Variants in DRG1 observed in about 807,000 individuals in gnomAD.
DRG1 encodes the protein developmentally-regulated GTP-binding protein 1.
In DRG1, 19 loss-of-function variants were observed where a neutral mutation model predicts 38.8. The ratio of observed to expected loss-of-function variants is 0.49; its 90% CI spans 0.34 to 0.72. DRG1 has a LOEUF of 0.72. Ranked by LOEUF, DRG1 falls within the 30% of genes least tolerant of loss-of-function variation. DRG1 has a pLI of 0.01. For missense variants in DRG1, 299 were observed against 444.8 expected (o/e 0.67, Z 2.95); for synonymous variants, 167 against 157.5 (o/e 1.06, Z -0.45).
At chr22:31,420,569 C>A in intron 5 of DRG1, 144 bp downstream of exon 5, 1 of 1,034,928 alleles carries the variant, frequency 9.7e-7, no homozygotes, top group Non-Finnish European at 1.4e-6. Flanking sequence ...TAATGACTGA[C>A]AAGAAAAACT....
chr22:31,430,355 T>C (rs889764196), intron 8 of DRG1, among the ~76,000 whole-genome samples: 1 of 152,192 alleles, frequency 6.6e-6, no homozygotes, highest in Non-Finnish European at 1.5e-5. Context: ...CATGAGTTTA[T>C]ACTGTTATCT....
At chr22:31,426,458 A>C (rs996203110) in intron 6 of DRG1, 157 bp from the exon 7 acceptor site, 3 of 620,104 alleles carry the variant, frequency 4.8e-6, no homozygotes, top group Non-Finnish European at 8.1e-6. Context: ...CCCATAGTTC[A>C]CTTTTTCTTT....
At chr22:31,409,208 C>G (rs2050005674) in intron 3 of DRG1, among the ~76,000 whole-genome samples, 1 of 152,280 alleles carries the variant, frequency 6.6e-6, no homozygotes, top group African/African-American at 2.4e-5. Flanking sequence ...CCTCAGCCTC[C>G]AGAGTAGCTG....
chr22:31,430,421 A>G (rs2050132514), intron 8 of DRG1, among the ~76,000 whole-genome samples: 1 of 145,450 alleles, frequency 6.9e-6, no homozygotes, highest in Non-Finnish European at 1.5e-5. Flanking sequence ...TTTTTTTGAG[A>G]TGGAGTCTCG....
chr22:31,405,060 G>A (rs1332930617), intron 3 of DRG1, among the ~76,000 whole-genome samples: 1 of 151,910 alleles, frequency 6.6e-6, no homozygotes, highest in Non-Finnish European at 1.5e-5. Flanking sequence ...ATTGAATGTT[G>A]AATTATTAGT....
At position 31,434,032 on chromosome 22, in the gene DRG1, C is replaced by A. The variant is rs2050158158; in HGVS notation, c.*61C>A. ...AACAGCGTTCCCCATGATCAAGCAC[C>A]CTACCCCAGTTCTTTCTGGTTTTGG... On this transcript the variant is annotated 3_prime_UTR_variant, in exon 9 of 9. Coordinates refer to ENST00000331457, the MANE Select transcript of DRG1 (RefSeq NM_004147.4). 2.0e-6 allele frequency: 3 copies of A among 1,500,318 alleles called. No individual in the cohort carries two copies. The highest frequency in any genetic ancestry group is 1.2e-5 in the South Asian group (1 of 85,898). 92.9% of individuals were successfully genotyped at this position (1,500,318 alleles called of 1,614,324 possible).
intron 8 of DRG1, among the ~76,000 whole-genome samples, chr22:31,428,696 G>A (rs1023104485): frequency 9.2e-5 from 14 of 152,248 alleles, no homozygotes; most frequent in African/African-American, 3.4e-4. Flanking sequence ...GCATTTAGTT[G>A]TTGCTTGTTT....
chr22:31,433,842 CACTG>C lies in DRG1; in HGVS notation c.1005-25_1005-22del, dbSNP rs769458464. 8.4e-5 allele frequency: 134 copies of C among 1,602,366 alleles called. 1 individual carries two copies. The highest frequency in any genetic ancestry group is 4.3e-4 in the Admixed American group (26 of 59,926). On this transcript the variant is annotated intron_variant, in intron 8 of 8. Transcript: ENST00000331457. ...AGGGCAGAAGCTAGGTTATTATTTACACTGACTGTTCTTTTTCCCTTCCATGCAG... is the reference window on the plus strand; with the variant it reads ...AGGGCAGAAGCTAGGTTATTATTTACACTGTTCTTTTTCCCTTCCATGCAG...
chr22:31,433,699 G>A (rs998906967), intron 8 of DRG1, among the ~76,000 whole-genome samples, 173 bp from the exon 9 acceptor site: 7 of 152,220 alleles, frequency 4.6e-5, no homozygotes, highest in East Asian at 1.9e-4. Flanking sequence ...AGTCTTTACC[G>A]GCTTTTATGT....
intron 3 of DRG1, among the ~76,000 whole-genome samples, chr22:31,406,574 T>C (rs1035454790): frequency 2.6e-5 from 4 of 151,608 alleles, no homozygotes; most frequent in African/African-American, 9.7e-5. Flanking sequence ...CCTAGGGAGG[T>C]TGAGGCAGGA....
At chr22:31,405,908 G>A (rs1278844987) in intron 3 of DRG1, among the ~76,000 whole-genome samples, 2 of 151,536 alleles carry the variant, frequency 1.3e-5, no homozygotes, top group Non-Finnish European at 2.9e-5. Flanking sequence ...GGCTAGTCTC[G>A]AACTCCTGAC....
intron 3 of DRG1, among the ~76,000 whole-genome samples, chr22:31,409,153 C>T (rs1410771162): frequency 6.6e-5 from 10 of 152,040 alleles, no homozygotes; most frequent in African/African-American, 1.7e-4. Context: ...GGCATAATCT[C>T]GGCTCACTGC....
intron 5 of DRG1, 146 bp from the exon 6 acceptor site, chr22:31,423,134 C>T (rs2050085970): frequency 1.0e-6 from 1 of 985,080 alleles, no homozygotes; most frequent in Non-Finnish European, 1.5e-6. Flanking sequence ...TTATTTCCTA[C>T]TAAAAGTCAG....
At chr22:31,423,523 CTTTTTTTTTT>C (rs1229925627) in intron 6 of DRG1, 113 bp downstream of exon 6, 4 of 478,104 alleles carry the variant, frequency 8.4e-6, no homozygotes, top group South Asian at 2.5e-5. Flanking sequence ...GTCCTACTGT[CTTTTTTTTTT>C]TTTTTTTTTT....
At chr22:31,416,360 G>C (rs2050044460) in intron 4 of DRG1, among the ~76,000 whole-genome samples, 1 of 152,128 alleles carries the variant, frequency 6.6e-6, no homozygotes, top group Admixed American at 6.6e-5. Context: ...TTTGGGATGA[G>C]ACCCAAAGTC....
At chr22:31,414,796 T>TTA (rs1555898555) in intron 4 of DRG1, among the ~76,000 whole-genome samples, 11 of 151,104 alleles carry the variant, frequency 7.3e-5, no homozygotes, top group African/African-American at 2.4e-4. Context: ...TTTTTTTTTT[T>TTA]AGAGATAGGA....
chr22:31,407,915 G>A (rs557883067), intron 3 of DRG1, among the ~76,000 whole-genome samples: 1 of 150,708 alleles, frequency 6.6e-6, no homozygotes, highest in Non-Finnish European at 1.5e-5. Context: ...GAGGTCAGGA[G>A]ATCGAGACCA....
chr22:31,408,860 C>T (rs951249385), intron 3 of DRG1, among the ~76,000 whole-genome samples: 1 of 151,354 alleles, frequency 6.6e-6, no homozygotes, highest in African/African-American at 2.4e-5. Context: ...ACAGTAGACC[C>T]TTGGTATTTT....
chr22:31,431,101 C>T (rs1230508375), intron 8 of DRG1, among the ~76,000 whole-genome samples: 2 of 131,404 alleles, frequency 1.5e-5, no homozygotes, highest in African/African-American at 2.8e-5. Context: ...GTGGTGCGAT[C>T]TCGGCTCACT....
Sources: gnomAD v4.1 joint callset for allele counts (sites outside exome capture counted in the v4.1 genomes callset) on GRCh38, gnomAD v4.1.1 for gene constraint, MANE v1.5 for transcripts, NCBI Gene and HGNC (gene_info 2026-07-23, HGNC 2026-07-21) for gene names.